FSTL5: variants seen among roughly 807,000 people sequenced by gnomAD.
The protein encoded by FSTL5 is follistatin-related protein 5.
A neutral mutation model predicts 89.1 loss-of-function variants in FSTL5; 62 were observed. The observed-to-expected ratio is 0.70, with a 90% CI of 0.57 to 0.86. The LOEUF (loss-of-function observed/expected upper bound fraction) is 0.86. Ranked by LOEUF, FSTL5 falls within the 40% of genes least tolerant of loss-of-function variation. The pLI is 0.00. For missense variants in FSTL5, 1,057 were observed against 1,001.6 expected (o/e 1.06, Z -0.75); for synonymous variants, 383 against 346.2 (o/e 1.11, Z -1.18).
chr4:161,617,198 T>G (rs1377869688), intron 7 of FSTL5, among the ~76,000 whole-genome samples: 2 of 151,984 alleles, frequency 1.3e-5, no homozygotes, highest in Admixed American at 6.6e-5. Flanking sequence ...CATATATAGC[T>G]AGATAAATTC....
intron 4 of FSTL5, among the ~76,000 whole-genome samples, chr4:161,827,651 T>G (rs1479608222): frequency 6.6e-6 from 1 of 152,148 alleles, no homozygotes; most frequent in Non-Finnish European, 1.5e-5. Context: ...GATGGGGGCA[T>G]GGTTCTCAGG....
At chr4:161,543,743 A>C (rs2126546628) in intron 8 of FSTL5, among the ~76,000 whole-genome samples, 1 of 136,576 alleles carries the variant, frequency 7.3e-6, no homozygotes, top group East Asian at 2.0e-4. Context: ...CCATACCATA[A>C]GCAAAATTGA....
chr4:161,906,539 C>A (rs1490390135), intron 4 of FSTL5, among the ~76,000 whole-genome samples: 1 of 152,068 alleles, frequency 6.6e-6, no homozygotes, highest in Non-Finnish European at 1.5e-5. Flanking sequence ...CTTCAAAAAA[C>A]CACTCTGTAA....
intron 4 of FSTL5, among the ~76,000 whole-genome samples, chr4:161,796,753 T>A (rs1419909117): frequency 4.0e-5 from 6 of 151,664 alleles, no homozygotes; most frequent in African/African-American, 1.4e-4. Flanking sequence ...ATATTTATTA[T>A]AGAAATACAT....
At chr4:161,632,249 G>A (rs757532135) in intron 7 of FSTL5, among the ~76,000 whole-genome samples, 3 of 151,856 alleles carry the variant, frequency 2.0e-5, no homozygotes, top group South Asian at 2.1e-4. Flanking sequence ...GTGTGGTGGC[G>A]GGCACCTGTA....
rs374921715 is a variant in FSTL5 at position 161,711,881 on chromosome 4, C to T, written c.727+47530G>A. Reference sequence around the variant, plus strand: ...CAATAGAACGAAAAATAAAAGTACACGACTATCTCCGTAGATGCCAAATAA... The same window carrying T: ...CAATAGAACGAAAAATAAAAGTACATGACTATCTCCGTAGATGCCAAATAA... On this transcript the variant is annotated intron_variant, in intron 6 of 15. Coordinates refer to ENST00000306100, the MANE Select transcript of FSTL5 (RefSeq NM_020116.5). Among the ~76,000 whole-genome samples the T allele has an allele frequency of 3.0e-3, 461 of 152,160 alleles. 3 individuals are homozygous for T. Among genetic ancestry groups the T allele is most frequent in the African/African-American group, 0.01 (418 of 41,522 alleles).
intron 15 of FSTL5, among the ~76,000 whole-genome samples, chr4:161,422,891 T>C (rs576290606): frequency 1.6e-4 from 25 of 152,320 alleles, no homozygotes; most frequent in African/African-American, 5.8e-4. Flanking sequence ...CAGCTTCACT[T>C]ATCTATTTGG....
At chr4:162,063,077 T>C (rs934946789) in intron 2 of FSTL5, among the ~76,000 whole-genome samples, 7 of 151,968 alleles carry the variant, frequency 4.6e-5, no homozygotes, top group Non-Finnish European at 8.8e-5. Flanking sequence ...ACTTCTTCAA[T>C]CTATTGTGAC....
chr4:161,485,427 T>C (rs1292751150), intron 12 of FSTL5, among the ~76,000 whole-genome samples: 1 of 152,218 alleles, frequency 6.6e-6, no homozygotes, highest in East Asian at 1.9e-4. Context: ...CACTAATCTA[T>C]GGCTTTGTCA....
At chr4:161,636,446 G>GTTTTTTTTTTTT (rs796867744) in intron 7 of FSTL5, among the ~76,000 whole-genome samples, 4 of 109,772 alleles carry the variant, frequency 3.6e-5, no homozygotes, top group Non-Finnish European at 7.4e-5. Flanking sequence ...TCTGGCAGTT[G>GTTTTTTTTTTTT]TTTTTTTTTT....
intron 3 of FSTL5, among the ~76,000 whole-genome samples, chr4:161,939,520 C>G (rs1368153704): frequency 6.6e-6 from 1 of 151,898 alleles, no homozygotes; most frequent in Non-Finnish European, 1.5e-5. Flanking sequence ...TAACCTGTAG[C>G]TGATTCTCGT....
At chr4:161,981,393 G>T (rs1304772486) in intron 3 of FSTL5, among the ~76,000 whole-genome samples, 2 of 152,154 alleles carry the variant, frequency 1.3e-5, no homozygotes, top group East Asian at 1.9e-4. Flanking sequence ...GTAATGAAAA[G>T]ACTTCCAGGG....
intron 15 of FSTL5, among the ~76,000 whole-genome samples, chr4:161,445,174 G>T (rs73861525): frequency 0.017 from 2,546 of 151,954 alleles, 70 homozygotes; most frequent in African/African-American, 0.057. Flanking sequence ...CTTTCAATGA[G>T]TATTGTGCAT....
chr4:161,546,851 C>G (rs994621333), intron 8 of FSTL5, among the ~76,000 whole-genome samples: 1 of 151,934 alleles, frequency 6.6e-6, no homozygotes, highest in Non-Finnish European at 1.5e-5. Context: ...TAAAATATCT[C>G]TATCAATTGT....
intron 3 of FSTL5, among the ~76,000 whole-genome samples, chr4:161,960,372 C>G (rs1163766188): frequency 6.6e-6 from 1 of 151,690 alleles, no homozygotes; most frequent in East Asian, 1.9e-4. Context: ...GATGAGGCTT[C>G]ACCATGTTGG....
rs529416017 is a variant in FSTL5, at chr4:162,068,058, A to G, written c.127-34400T>C. On this transcript the variant is annotated intron_variant, in intron 2 of 15. Transcript: ENST00000306100. ...TCAAGGAAACAATAAAAAATGACAC[A>G]AACAAATGGAAAAACATTCCATGCT... Among the ~76,000 whole-genome samples the G allele has an allele frequency of 1.1e-4, 16 of 152,238 alleles. No individual in the cohort carries two copies. The South Asian group carries it at 3.3e-3, about 32-fold the overall frequency.
At chr4:161,954,976 A>G (rs918186435) in intron 3 of FSTL5, among the ~76,000 whole-genome samples, 1 of 151,626 alleles carries the variant, frequency 6.6e-6, no homozygotes, top group African/African-American at 2.4e-5. Flanking sequence ...ATGTTTCTGC[A>G]TTGAAAAACA....
intron 3 of FSTL5, among the ~76,000 whole-genome samples, chr4:162,013,346 T>C (rs2111136170): frequency 6.6e-6 from 1 of 152,324 alleles, no homozygotes; most frequent in South Asian, 2.1e-4. Context: ...CTTCCTCTCC[T>C]GATGTTTCCT....
At chr4:162,073,645 C>A (rs1212009561) in intron 2 of FSTL5, among the ~76,000 whole-genome samples, 1 of 151,628 alleles carries the variant, frequency 6.6e-6, no homozygotes, top group Non-Finnish European at 1.5e-5. Flanking sequence ...ATCTATTGTA[C>A]AGTGATTATA....
Sources: gnomAD v4.1 joint callset for allele counts (sites outside exome capture counted in the v4.1 genomes callset) on GRCh38, gnomAD v4.1.1 for gene constraint, MANE v1.5 for transcripts, NCBI Gene and HGNC (gene_info 2026-07-23, HGNC 2026-07-21) for gene names.